Variants in RBFOX1 observed in about 807,000 individuals in gnomAD.
RBFOX1 encodes the protein RNA binding fox-1 homolog 1.
In RBFOX1, 8 loss-of-function variants were observed where a neutral mutation model predicts 57.7. The ratio of observed to expected loss-of-function variants is 0.14; its 90% CI spans 0.08 to 0.25. RBFOX1 has a LOEUF of 0.25. RBFOX1 is among the 10% of genes least tolerant of loss of function. The probability of loss-of-function intolerance (pLI) is 1.00; values close to 1 mark genes in which losing one functional copy is unlikely to be tolerated. For synonymous variants in RBFOX1, 326 were observed against 222.4 expected, an observed-to-expected ratio of 1.47 and a Z score of -4.15; for missense variants, 611 against 548.5, an observed-to-expected ratio of 1.11 and a Z score of -1.14.
intron 1 of RBFOX1, among the ~76,000 whole-genome samples, chr16:5,265,237 G>A (rs1439874280): frequency 1.3e-5 from 2 of 152,048 alleles, no homozygotes; most frequent in Admixed American, 6.6e-5. Flanking sequence ...GCCAAGACTT[G>A]GACTATTTCA....
chr16:6,864,573 C>T (rs1037920554), intron 3 of RBFOX1, among the ~76,000 whole-genome samples: 1 of 147,872 alleles, frequency 6.8e-6, no homozygotes, highest in Non-Finnish European at 1.5e-5. Flanking sequence ...TAATCATGGC[C>T]TAATACATCA....
chr16:7,112,504 G>C (rs1206397156), intron 4 of RBFOX1, among the ~76,000 whole-genome samples: 1 of 151,922 alleles, frequency 6.6e-6, no homozygotes, highest in Admixed American at 6.6e-5. Flanking sequence ...ACCGTGCCCA[G>C]CCTAACAAAC....
chr16:6,867,010 G>C (rs1256583388), intron 3 of RBFOX1, among the ~76,000 whole-genome samples: 1 of 57,410 alleles, frequency 1.7e-5, no homozygotes, highest in Non-Finnish European at 2.9e-5. Context: ...TGTGTTAGCT[G>C]TTCTTTAAAA....
At chr16:5,633,571 C>G (rs960267678) in intron 3 of RBFOX1, among the ~76,000 whole-genome samples, 2 of 152,018 alleles carry the variant, frequency 1.3e-5, no homozygotes, top group African/African-American at 2.4e-5. Context: ...AAGAAATAAT[C>G]CCATCAAAAA....
intron 3 of RBFOX1, among the ~76,000 whole-genome samples, chr16:6,722,394 C>T (rs1476088667): frequency 6.6e-6 from 1 of 152,170 alleles, no homozygotes; most frequent in African/African-American, 2.4e-5. Context: ...TCATCTTGGT[C>T]ATGTCCTTAG....
At chr16:7,379,618 G>T (rs1221640537) in intron 4 of RBFOX1, among the ~76,000 whole-genome samples, 1 of 152,160 alleles carries the variant, frequency 6.6e-6, no homozygotes, top group African/African-American at 2.4e-5. Context: ...ATTGTCTGTT[G>T]TAGAGGTGAG....
At chr16:7,088,258 C>T (rs1256431288) in intron 4 of RBFOX1, among the ~76,000 whole-genome samples, 1 of 152,134 alleles carries the variant, frequency 6.6e-6, no homozygotes, top group Non-Finnish European at 1.5e-5. Flanking sequence ...TCACTTGTAG[C>T]TGTGAGGTAT....
intron 3 of RBFOX1, among the ~76,000 whole-genome samples, chr16:6,864,557 T>C (rs1178788490): frequency 6.6e-6 from 1 of 151,786 alleles, no homozygotes; most frequent in Admixed American, 6.6e-5. Flanking sequence ...CTTTTTTTTT[T>C]TTTTTTAATC....
intron 3 of RBFOX1, among the ~76,000 whole-genome samples, chr16:6,983,356 G>C (rs1379917011): frequency 6.6e-6 from 1 of 151,882 alleles, no homozygotes; most frequent in Non-Finnish European, 1.5e-5. Context: ...CAGAATTATT[G>C]GTGGGGGGTG....
intron 3 of RBFOX1, among the ~76,000 whole-genome samples, chr16:6,959,949 A>T (rs1293341571): frequency 6.6e-6 from 1 of 152,162 alleles, no homozygotes; most frequent in Non-Finnish European, 1.5e-5. Context: ...AAATAAATAA[A>T]TTAATAAATG....
rs532387487 is a variant in RBFOX1 at position 6,930,013 on chromosome 16, C to G, written c.-15-122044C>G. On this transcript the variant is annotated intron_variant, in intron 3 of 15. Transcript: ENST00000550418. ...AGTAATAGGAAAAACAGAGCGAGAT[C>G]TCTCTCTTCTCTCCACATCCTTGCT... 3.5e-4 allele frequency among the ~76,000 whole-genome samples: 53 copies of G among 152,250 alleles called. No homozygotes were observed. In the South Asian group the frequency reaches 0.01, roughly 29 times the overall value.
rs184356101 is a variant in RBFOX1 at position 7,579,349 on chromosome 16, A to G, written c.271-428A>G. Among the ~76,000 whole-genome samples the G allele has an allele frequency of 2.0e-3, 301 of 152,294 alleles. 3 individuals carry two copies. Among genetic ancestry groups the G allele is most frequent in the Non-Finnish European group, 6.0e-4 (41 of 68,014 alleles). ...GATTCTGAACAGCGTCGGTTAAGAA[A>G]TACACACTGTCCTGCCTTTAAAGAT... On this transcript the variant is annotated intron_variant, in intron 5 of 15. Coordinates refer to ENST00000550418, the MANE Select transcript of RBFOX1 (RefSeq NM_018723.4).
intron 4 of RBFOX1, among the ~76,000 whole-genome samples, chr16:7,308,290 C>A: frequency 1.1e-5 from 1 of 92,586 alleles, no homozygotes. Context: ...AGATTCCACC[C>A]AGAGCTGTTT....
chr16:6,195,724 A>AAAG lies in RBFOX1; in HGVS notation c.-126-121268_-126-121266dup, dbSNP rs2097175649. Among the ~76,000 whole-genome samples the AAAG allele has an allele frequency of 2.6e-5, 4 of 152,066 alleles. No individual in the cohort carries two copies. The South Asian group carries it at 8.4e-4, about 32-fold the overall frequency. On this transcript the variant is annotated intron_variant, in intron 1 of 15. Transcript: ENST00000550418. ...ACAAGGGAGAAACTCTGTCTTTAAAAAAGAAAAAAAAAAAAAGGTTTGTAG... is the reference window on the plus strand; with the variant it reads ...ACAAGGGAGAAACTCTGTCTTTAAAAAAGAAGAAAAAAAAAAAAAGGTTTGTAG...
chr16:5,311,306 A>G (rs539769936), intron 1 of RBFOX1, among the ~76,000 whole-genome samples: 21 of 152,296 alleles, frequency 1.4e-4, no homozygotes, highest in Admixed American at 3.3e-4. Flanking sequence ...TCAGTGGTCA[A>G]TGGGCACATA....
intron 3 of RBFOX1, among the ~76,000 whole-genome samples, chr16:5,782,957 AC>A (rs1451777248): frequency 6.6e-6 from 1 of 152,136 alleles, no homozygotes; most frequent in Non-Finnish European, 1.5e-5. Context: ...GGATGACATC[AC>A]CCACACGGGT....
chr16:6,379,938 GA>G (rs1344216108), intron 2 of RBFOX1, among the ~76,000 whole-genome samples: 1 of 152,216 alleles, frequency 6.6e-6, no homozygotes, highest in East Asian at 1.9e-4. Flanking sequence ...AGCTTCAGGA[GA>G]GGGGGTGTCC....
chr16:5,664,303 A>G (rs2049760526), intron 3 of RBFOX1, among the ~76,000 whole-genome samples: 1 of 152,124 alleles, frequency 6.6e-6, no homozygotes, highest in African/African-American at 2.4e-5. Context: ...TAATCCCAGC[A>G]CTTTGGGAGG....
intron 3 of RBFOX1, among the ~76,000 whole-genome samples, chr16:6,674,038 T>G (rs1181300885): frequency 6.6e-6 from 1 of 152,164 alleles, no homozygotes; most frequent in Non-Finnish European, 1.5e-5. Context: ...GAATCCTATT[T>G]TAGGATTACC....
Sources: allele counts gnomAD v4.1 joint callset (sites outside exome capture counted in the v4.1 genomes callset), GRCh38; gene constraint gnomAD v4.1.1; transcripts MANE v1.5; gene names NCBI Gene and HGNC (gene_info 2026-07-23, HGNC 2026-07-21).